The following SHOC2 variants were observed in gnomAD, a reference collection of about 807,000 sequenced individuals.
The protein encoded by SHOC2 is leucine-rich repeat protein SHOC-2.
In SHOC2, 4 loss-of-function variants were observed where a neutral mutation model predicts 50.2. The observed-to-expected ratio is 0.08, with a 90% CI of 0.04 to 0.18. The LOEUF is 0.18. Among genes scored for constraint, SHOC2 ranks in the 10% least tolerant of loss-of-function variants. The pLI, the probability that SHOC2 is intolerant of heterozygous loss-of-function variation, is 1.00. For missense variants in SHOC2, 388 were observed against 669.6 expected (o/e 0.58, Z 4.64); for synonymous variants, 218 against 244.5 (o/e 0.89, Z 1.01).
At chr10:110,919,812 C>A (rs1319174286) in intron 1 of SHOC2, among the ~76,000 whole-genome samples, 155 bp downstream of exon 1, 3 of 150,954 alleles carry the variant, frequency 2.0e-5, no homozygotes, top group African/African-American at 7.3e-5. Flanking sequence ...GCCCGAGGGG[C>A]CGGGGCCCTG....
At position 110,939,402 on chromosome 10, in the gene SHOC2, T is replaced by C. The variant is rs1326581077; in HGVS notation, c.-235+19745T>C. Among the ~76,000 whole-genome samples the C allele has an allele frequency of 2.0e-5, 3 of 151,994 alleles. No homozygotes were observed. The East Asian group carries it at 5.8e-4, about 29-fold the overall frequency. On this transcript the variant is annotated intron_variant, in intron 1 of 8. Coordinates refer to ENST00000369452, the MANE Select transcript of SHOC2 (RefSeq NM_007373.4). ...CTGGCTAATTTTTATTTATTTATTA[T>C]AGAAATAGGGTTTCCTTATGTTGCC...
intron 1 of SHOC2, among the ~76,000 whole-genome samples, chr10:110,936,184 C>T (rs1313261153): frequency 1.3e-5 from 2 of 151,236 alleles, no homozygotes; most frequent in Non-Finnish European, 2.9e-5. Flanking sequence ...GCAACCTCCG[C>T]CTCCTGGGTT....
chr10:111,003,953 CT>C (rs1476103115), intron 4 of SHOC2, among the ~76,000 whole-genome samples: 1 of 151,974 alleles, frequency 6.6e-6, no homozygotes, highest in East Asian at 1.9e-4. Context: ...TATTTTAATA[CT>C]TTGGTTAAAT....
intron 1 of SHOC2, among the ~76,000 whole-genome samples, chr10:110,956,296 C>T (rs1312904732): frequency 6.6e-6 from 1 of 152,140 alleles, no homozygotes; most frequent in Non-Finnish European, 1.5e-5. Flanking sequence ...TCACTGCAAC[C>T]TCCGCCTCCC....
At chr10:110,995,951 G>T (rs1264452934) in intron 3 of SHOC2, among the ~76,000 whole-genome samples, 5 of 152,038 alleles carry the variant, frequency 3.3e-5, no homozygotes, top group Non-Finnish European at 7.4e-5. Context: ...TTGATCCTTT[G>T]TGTTGGAAGT....
intron 3 of SHOC2, among the ~76,000 whole-genome samples, chr10:110,998,753 A>T (rs887724134): frequency 6.6e-6 from 1 of 152,198 alleles, no homozygotes; most frequent in African/African-American, 2.4e-5. Flanking sequence ...TTTTTTTATT[A>T]TCAATGACTG....
chr10:110,923,688 A>G (rs1337900131), intron 1 of SHOC2, among the ~76,000 whole-genome samples: 6 of 40,656 alleles, frequency 1.5e-4, no homozygotes. Flanking sequence ...TTTATGAGAA[A>G]GAGTGAACAT....
chr10:110,919,909 G>A (rs930624135), intron 1 of SHOC2: 4 of 307,676 alleles, frequency 1.3e-5, no homozygotes, highest in African/African-American at 6.6e-5. Flanking sequence ...CCTGCAGCCC[G>A]GCGCGGAGAG....
rs755136790 is a variant in SHOC2 at position 110,930,682 on chromosome 10, GT to G, written c.-235+11028del. Among the ~76,000 whole-genome samples, 33 of 141,568 alleles carry G rather than the reference GT, an allele frequency of 2.3e-4. No homozygotes were observed. In the East Asian group the frequency reaches 6.7e-3, roughly 29 times the overall value. 92.9% of individuals were successfully genotyped at this position (141,568 alleles called of 152,430 possible). On this transcript the variant is annotated intron_variant, in intron 1 of 8. Transcript: ENST00000369452. ...GGAATACTTAAGTTGTGTATGACATGTTTGGAGTTCCTTGGCAAGAAAGGCA... is the reference window on the plus strand; with the variant it reads ...GGAATACTTAAGTTGTGTATGACATGTTGGAGTTCCTTGGCAAGAAAGGCA...
intron 1 of SHOC2, among the ~76,000 whole-genome samples, chr10:110,952,033 A>C (rs1847363460): frequency 6.6e-6 from 1 of 152,164 alleles, no homozygotes; most frequent in Non-Finnish European, 1.5e-5. Context: ...CAGACTTAAG[A>C]GGTCATCTGT....
intron 3 of SHOC2, among the ~76,000 whole-genome samples, chr10:110,996,529 T>TAA (rs571137418): frequency 1.0e-4 from 15 of 143,314 alleles, no homozygotes; most frequent in African/African-American, 3.8e-4. Flanking sequence ...CTCTGTCTCT[T>TAA]AAAAAAAAAA....
intron 1 of SHOC2, chr10:110,919,909 G>T: frequency 3.2e-6 from 1 of 307,782 alleles, no homozygotes; most frequent in South Asian, 1.5e-4. Flanking sequence ...CCTGCAGCCC[G>T]GCGCGGAGAG....
intron 1 of SHOC2, among the ~76,000 whole-genome samples, chr10:110,934,088 T>G (rs1846949440): frequency 6.6e-6 from 1 of 152,186 alleles, no homozygotes; most frequent in South Asian, 2.1e-4. Context: ...ATGAAAATGA[T>G]TACTAATTTG....
At chr10:110,977,700 T>G (rs527531165) in intron 2 of SHOC2, among the ~76,000 whole-genome samples, 2 of 152,362 alleles carry the variant, frequency 1.3e-5, no homozygotes, top group South Asian at 4.1e-4. Context: ...TGGCTTGCTT[T>G]TAAGCTTTGT....
chr10:110,947,292 G>A (rs1365616998), intron 1 of SHOC2, among the ~76,000 whole-genome samples: 4 of 152,210 alleles, frequency 2.6e-5, no homozygotes, highest in East Asian at 1.9e-4. Flanking sequence ...CCATCCTTGC[G>A]GATCCAGTAA....
intron 3 of SHOC2, among the ~76,000 whole-genome samples, chr10:110,988,237 C>T (rs901149045): frequency 1.3e-5 from 2 of 151,982 alleles, no homozygotes; most frequent in Admixed American, 6.5e-5. Flanking sequence ...ATGCTGGCTA[C>T]GTATGTTCAA....
intron 1 of SHOC2, chr10:110,936,974 A>G (rs754454410): frequency 2.1e-6 from 3 of 1,455,496 alleles, no homozygotes; most frequent in Non-Finnish European, 2.9e-6. Flanking sequence ...GTGGGGCAGC[A>G]TACTTCGCAC....
chr10:110,923,422 G>T (rs187934198), intron 1 of SHOC2, among the ~76,000 whole-genome samples: 6 of 152,088 alleles, frequency 3.9e-5, no homozygotes, highest in Non-Finnish European at 8.8e-5. Flanking sequence ...TTTCCCCCGG[G>T]TCTCAACTTT....
chr10:110,978,563 C>T (rs1847917168), intron 2 of SHOC2, among the ~76,000 whole-genome samples: 1 of 152,198 alleles, frequency 6.6e-6, no homozygotes, highest in South Asian at 2.1e-4. Flanking sequence ...AGCAACTTGA[C>T]AAGACTGAAA....
Sources: gnomAD v4.1 joint callset for allele counts (sites outside exome capture counted in the v4.1 genomes callset) on GRCh38, gnomAD v4.1.1 for gene constraint, MANE v1.5 for transcripts, NCBI Gene and HGNC (gene_info 2026-07-23, HGNC 2026-07-21) for gene names.